The following PTBP3 variants were observed in gnomAD, a reference collection of about 807,000 sequenced individuals.
The protein encoded by PTBP3 is polypyrimidine tract binding protein 3, also known as polypyrimidine tract-binding protein 3.
In PTBP3, 20 loss-of-function variants were observed where a neutral mutation model predicts 58.7. The ratio of observed to expected loss-of-function variants is 0.34; its 90% CI spans 0.24 to 0.50. The LOEUF is 0.50. Ranked by LOEUF, PTBP3 falls within the 20% of genes least tolerant of loss-of-function variation. PTBP3 has a pLI of 0.98. For missense variants in PTBP3, 509 were observed against 637.2 expected (o/e 0.80, Z 2.17); for synonymous variants, 185 against 219.8 (o/e 0.84, Z 1.40).
At chr9:112,218,016 T>C (rs910303544), downstream of PTBP3, 1 of 152,204 alleles carries the variant, frequency 6.6e-6, no homozygotes, top group Non-Finnish European at 1.5e-5. Flanking sequence ...TCAAAGTGTA[T>C]GTATACTAAT....
Position 112,270,975 on chromosome 9 carries a change from C to T in PTBP3, c.205-2780G>A, listed in dbSNP as rs913125967. ...CCGAGTAGCTGGGATTACAGGTGCA[C>T]GCCACCACACCCGGCTTATTTTTGT... is the stretch of plus-strand genomic sequence containing the variant. On this transcript the variant is annotated intron_variant, in intron 3 of 13. Transcript: ENST00000374257. 4.6e-5 allele frequency among the ~76,000 whole-genome samples: 7 copies of T among 151,902 alleles called. No individual in the cohort carries two copies. In the East Asian group the frequency reaches 7.7e-4, roughly 17 times the overall value.
intron 2 of PTBP3, among the ~76,000 whole-genome samples, chr9:112,295,439 C>G (rs1381061632): frequency 6.9e-6 from 1 of 145,700 alleles, no homozygotes; most frequent in Non-Finnish European, 1.5e-5. Context: ...AAAGGAAAAA[C>G]AGTGTACCCA....
chr9:112,262,618 T>C lies in PTBP3; in HGVS notation c.352-19A>G, dbSNP rs1031096660. 2 of 1,531,044 alleles carry C rather than the reference T, an allele frequency of 1.3e-6. No homozygotes were observed. The highest frequency in any genetic ancestry group is 1.4e-5 in the African/African-American group (1 of 70,836). The allele number at this position is 1,531,044 out of a possible 1,614,324, so 94.8% of individuals were successfully genotyped here. A position where few individuals can be genotyped will look rare whatever the true frequency, so the allele number is the denominator to read the frequency against. On this transcript the variant is annotated intron_variant, in intron 4 of 13. Transcript: ENST00000374257. ...GGGCTCGCTATAGAACAACCCAAAA[T>C]GAGAACTTTTGATTATACAGACGCA...
chr9:112,363,688 C>T, the PTBP3 span, among the ~76,000 whole-genome samples: 14 of 152,048 alleles, frequency 9.2e-5, no homozygotes, highest in African/African-American at 3.4e-4. Flanking sequence ...ATGGTTTTTG[C>T]TTTTGTTTTG....
At chr9:112,354,277 C>G in the PTBP3 span, among the ~76,000 whole-genome samples, 1 of 152,162 alleles carries the variant, frequency 6.6e-6, no homozygotes, top group Non-Finnish European at 1.5e-5. Flanking sequence ...TCTTGGGTTA[C>G]CAAACAACTG....
At chr9:112,320,314 A>ATATATATATATATATATATTT in intron 1 of PTBP3, among the ~76,000 whole-genome samples, 54 of 75,648 alleles carry the variant, frequency 7.1e-4, no homozygotes, top group South Asian at 1.5e-3. Context: ...ATATATATAT[A>ATATATATATATATATATATTT]TTTTTTTTTA....
intron 2 of PTBP3, among the ~76,000 whole-genome samples, chr9:112,289,073 C>G (rs1462172113): frequency 1.3e-5 from 2 of 152,158 alleles, no homozygotes; most frequent in Non-Finnish European, 2.9e-5. Context: ...TCTTAGCTTC[C>G]TAAGTAGCTA....
chr9:112,373,364 G>C, the PTBP3 span, among the ~76,000 whole-genome samples: 1 of 152,142 alleles, frequency 6.6e-6, no homozygotes, highest in African/African-American at 2.4e-5. Flanking sequence ...AGGCTAGGAG[G>C]CTAGGCCATT....
chr9:112,273,604 T>C (rs1450657293), intron 3 of PTBP3, among the ~76,000 whole-genome samples: 3 of 152,224 alleles, frequency 2.0e-5, no homozygotes. Context: ...AAATTTCATG[T>C]GCTAAAATAA....
chr9:112,338,812 C>A, the PTBP3 span, among the ~76,000 whole-genome samples: 1 of 152,202 alleles, frequency 6.6e-6, no homozygotes, highest in African/African-American at 2.4e-5. Context: ...TCATCCCATG[C>A]CTGGCCCTGA....
chr9:112,246,195 A>G (rs959487601), intron 7 of PTBP3, among the ~76,000 whole-genome samples: 2 of 151,378 alleles, frequency 1.3e-5, no homozygotes, highest in African/African-American at 4.9e-5. Flanking sequence ...GTTGGCCAGG[A>G]TGGTCTTGAA....
intron 7 of PTBP3, among the ~76,000 whole-genome samples, chr9:112,250,261 A>G (rs895666036): frequency 2.0e-5 from 3 of 152,182 alleles, no homozygotes; most frequent in African/African-American, 7.2e-5. Context: ...AATAAACCAC[A>G]CTTTTGAGAA....
intron 1 of PTBP3, among the ~76,000 whole-genome samples, chr9:112,316,283 G>A (rs1289293373): frequency 6.6e-6 from 1 of 152,182 alleles, no homozygotes; most frequent in African/African-American, 2.4e-5. Context: ...CAGCAAAAAT[G>A]ACGGAATGCC....
At chr9:112,234,706 C>T in intron 8 of PTBP3, 114 bp downstream of exon 8, 1 of 931,508 alleles carries the variant, frequency 1.1e-6, no homozygotes, top group Non-Finnish European at 1.7e-6. Context: ...AGCTGATATG[C>T]ATAATGCTTT....
intron 10 of PTBP3, 135 bp downstream of exon 10, chr9:112,231,245 G>C: frequency 1.7e-6 from 1 of 584,168 alleles, no homozygotes; most frequent in Non-Finnish European, 2.7e-6. Context: ...TACTTACTAA[G>C]TCTTATTCAC....
At chr9:112,353,034 G>A in the PTBP3 span, among the ~76,000 whole-genome samples, 2 of 152,066 alleles carry the variant, frequency 1.3e-5, no homozygotes, top group East Asian at 1.9e-4. Context: ...CTGAGTAGCT[G>A]GGATTACAGG....
chr9:112,228,491 A>C lies in PTBP3; in HGVS notation c.1055-19T>G. On this transcript the variant is annotated intron_variant, in intron 10 of 13. Coordinates refer to ENST00000374257, the MANE Select transcript of PTBP3 (RefSeq NM_001163788.4). Reference sequence around the variant, plus strand: ...TAGACTCCTAATTAAAACAAAACAAAACACTGTGTTTAACGTCTGATTGTG... The same window carrying C: ...TAGACTCCTAATTAAAACAAAACAACACACTGTGTTTAACGTCTGATTGTG... 6.8e-7 allele frequency: 1 copy of C among 1,478,444 alleles called. No homozygotes were observed. The allele number at this position is 1,478,444 out of a possible 1,614,324, so 91.6% of individuals were successfully genotyped here. A position where few individuals can be genotyped will look rare whatever the true frequency, so the allele number is the denominator to read the frequency against.
chr9:112,279,676 C>G (rs180991248), intron 2 of PTBP3, among the ~76,000 whole-genome samples: 1 of 152,060 alleles, frequency 6.6e-6, no homozygotes, highest in Non-Finnish European at 1.5e-5. Flanking sequence ...AATCTGAACC[C>G]TACAGATTAC....
At chr9:112,354,781 A>AT in the PTBP3 span, among the ~76,000 whole-genome samples, 5 of 152,060 alleles carry the variant, frequency 3.3e-5, no homozygotes, top group Non-Finnish European at 5.9e-5. Context: ...ACATCTTTTT[A>AT]TTTTTTTTAA....
Sources: gnomAD v4.1 joint callset for allele counts (sites outside exome capture counted in the v4.1 genomes callset) on GRCh38, gnomAD v4.1.1 for gene constraint, MANE v1.5 for transcripts, NCBI Gene and HGNC (gene_info 2026-07-23, HGNC 2026-07-21) for gene names.